Variants in PIK3CD observed in about 807,000 individuals in gnomAD.
PIK3CD encodes phosphatidylinositol-4,5-bisphosphate 3-kinase catalytic subunit delta.
Under a neutral mutation model 122.9 loss-of-function variants are expected in PIK3CD, and 20 were observed. That is an observed-to-expected ratio of 0.16 (90% CI 0.11 to 0.24). The LOEUF is 0.24. PIK3CD is among the 10% of genes least tolerant of loss of function. The pLI is 1.00. For missense variants in PIK3CD, 787 were observed against 1,406.3 expected, an observed-to-expected ratio of 0.56 and a Z score of 7.04; for synonymous variants, 596 against 593.4, an observed-to-expected ratio of 1.00 and a Z score of -0.06.
intron 1 of PIK3CD, among the ~76,000 whole-genome samples, chr1:9,665,201 CA>C (rs756515572): frequency 0.022 from 1,165 of 53,006 alleles, 3 homozygotes; most frequent in African/African-American, 0.039. Context: ...GACAGCCTGT[CA>C]AAAAAAAAAA....
At chr1:9,679,477 C>A (rs1289206241) in intron 1 of PIK3CD, among the ~76,000 whole-genome samples, 1 of 152,042 alleles carries the variant, frequency 6.6e-6, no homozygotes, top group Non-Finnish European at 1.5e-5. Context: ...CAAGAACTCA[C>A]CCTTTGGCCA....
intron 2 of PIK3CD, among the ~76,000 whole-genome samples, chr1:9,702,915 C>T (rs902844057): frequency 5.9e-5 from 9 of 152,160 alleles, no homozygotes; most frequent in African/African-American, 2.2e-4. Context: ...CGGCCAAAAA[C>T]TCAGCTCAAA....
At chr1:9,659,275 A>G (rs1006079188) in intron 1 of PIK3CD, among the ~76,000 whole-genome samples, 5 of 152,164 alleles carry the variant, frequency 3.3e-5, no homozygotes, top group African/African-American at 2.4e-5. Context: ...ACGTTTACCT[A>G]TGCAACAAAC....
In PIK3CD at chr1:9,716,031, C is replaced by A; in HGVS notation, c.553C>A (p.Leu185Ile). Reference sequence around the variant, plus strand: ...AACCTGGGGGCCTGGTACCCTGCGGCTCCCGAACCGGGCCCTTCTGGTCAA... The same window carrying A: ...AACCTGGGGGCCTGGTACCCTGCGGATCCCGAACCGGGCCCTTCTGGTCAA... ...AQTWGPGTLR[L>I]PNRALLVNVK... The change falls in exon 5 of 24, where the codon CTC becomes ATC. Residue 185 changes from leucine to isoleucine, a missense_variant. Coordinates refer to ENST00000377346, the MANE Select transcript of PIK3CD (RefSeq NM_005026.5). The A allele has an allele frequency of 6.2e-7, 1 of 1,612,656 alleles. No individual in the cohort carries two copies. Among genetic ancestry groups the A allele is most frequent in the Non-Finnish European group, 8.5e-7 (1 of 1,179,954 alleles).
At chr1:9,678,731 A>T (rs764997448) in intron 1 of PIK3CD, among the ~76,000 whole-genome samples, 4 of 152,160 alleles carry the variant, frequency 2.6e-5, no homozygotes, top group Non-Finnish European at 5.9e-5. Flanking sequence ...TGTAAGACAC[A>T]CTTGCCAGCA....
At chr1:9,716,658 C>T (rs1341183770) in intron 6 of PIK3CD, 39 bp downstream of exon 6, 11 of 1,538,488 alleles carry the variant, frequency 7.1e-6, no homozygotes, top group South Asian at 4.7e-5. Context: ...GGGCTCCCAA[C>T]GCCCTGGATA....
intron 1 of PIK3CD, among the ~76,000 whole-genome samples, chr1:9,655,154 C>G (rs1023113504): frequency 1.3e-5 from 2 of 152,036 alleles, no homozygotes; most frequent in South Asian, 2.1e-4. Flanking sequence ...TTCAGCAAAG[C>G]TGTTAGAGAA....
chr1:9,668,526 G>A (rs370858933), intron 1 of PIK3CD, among the ~76,000 whole-genome samples: 21 of 149,892 alleles, frequency 1.4e-4, no homozygotes, highest in African/African-American at 5.2e-4. Flanking sequence ...TTAGTTATAC[G>A]AGTAAGTTCT....
At position 9,715,825 on chromosome 1, in the gene PIK3CD, G is replaced by GTGCCC; in HGVS notation, c.371-24_371-23insTGCCC. The GTGCCC allele has an allele frequency of 6.3e-7, 1 of 1,586,056 alleles. No individual in the cohort carries two copies. The highest frequency in any genetic ancestry group is 8.7e-7 in the Non-Finnish European group (1 of 1,155,818). On this transcript the variant is annotated intron_variant, in intron 4 of 23. Transcript: ENST00000377346. The surrounding 1 kb of genome is among the most constrained non-coding windows in gnomAD (Gnocchi z 4.1). ...GCTGGCCCTGCCTGCCCCACCCGCTGACCCAGCCCTCCCCACCCCGCAGGC... is the reference window on the plus strand; with the variant it reads ...GCTGGCCCTGCCTGCCCCACCCGCTGTGCCCACCCAGCCCTCCCCACCCCGCAGGC...
Position 9,716,478 on chromosome 1 carries a change from G to T in PIK3CD, c.639G>T (p.Pro213=), listed in dbSNP as rs374739511. The change falls in exon 6 of 24, where the codon CCG becomes CCT. Residue 213 remains proline, a synonymous_variant. Transcript: ENST00000377346. Reference sequence around the variant, plus strand: ...TCCAGGTGTCCACCAAGGACGTGCCGCTGGCGCTGATGGCCTGTGCCCTGC... The same window carrying T: ...TCCAGGTGTCCACCAAGGACGTGCCTCTGGCGCTGATGGCCTGTGCCCTGC... The part of the protein sequence containing the change: ...FTFQVSTKDV[P]LALMACALRK... The T allele has an allele frequency of 1.7e-5, 28 of 1,611,002 alleles. No homozygotes were observed. The highest frequency in any genetic ancestry group is 2.7e-5 in the African/African-American group (2 of 74,876).
In PIK3CD at chr1:9,689,448, G is replaced by T. The variant is rs1172096837; in HGVS notation, c.-137-2019G>T. ...ATTTGCCGACGGTGCCCGCGCCGCC[G>T]CCGGCCCCGGCCCCGCCCCAGCCCC... On this transcript the variant is annotated intron_variant, in intron 1 of 23. Coordinates refer to ENST00000377346, the MANE Select transcript of PIK3CD (RefSeq NM_005026.5). This position sits in a 1 kb window ranked among gnomAD's most constrained non-coding sequence, Gnocchi z 6.1. 6.7e-6 allele frequency among the ~76,000 whole-genome samples: 1 copy of T among 149,430 alleles called. No individual in the cohort carries two copies. The highest frequency in any genetic ancestry group is 1.5e-5 in the Non-Finnish European group (1 of 66,880).
At chr1:9,678,749 C>G (rs1425671289) in intron 1 of PIK3CD, among the ~76,000 whole-genome samples, 2 of 152,224 alleles carry the variant, frequency 1.3e-5, no homozygotes, top group Non-Finnish European at 2.9e-5. Flanking sequence ...GCAACCTATT[C>G]AAAGTCTGTC....
rs922598686 is a variant in PIK3CD at position 9,689,114 on chromosome 1, C to G, written c.-137-2353C>G. 6.6e-6 allele frequency among the ~76,000 whole-genome samples: 1 copy of G among 152,244 alleles called. No individual in the cohort carries two copies. Among genetic ancestry groups the G allele is most frequent in the Non-Finnish European group, 1.5e-5 (1 of 68,040 alleles). ...TGTGACCTGGGTCCAGTACCCCGCC[C>G]TTTCTGCGGATGCCTTGCAAAGCGG... On this transcript the variant is annotated intron_variant, in intron 1 of 23. Coordinates refer to ENST00000377346, the MANE Select transcript of PIK3CD (RefSeq NM_005026.5). This position sits in a 1 kb window ranked among gnomAD's most constrained non-coding sequence, Gnocchi z 6.1.
intron 2 of PIK3CD, among the ~76,000 whole-genome samples, chr1:9,709,085 A>T (rs1056432265): frequency 2.0e-5 from 3 of 151,534 alleles, no homozygotes; most frequent in African/African-American, 7.3e-5. Flanking sequence ...GCTGGAGTGC[A>T]GTGGTGCGAT....
chr1:9,720,403 C>T lies in PIK3CD; in HGVS notation c.1470+161C>T, dbSNP rs967590723. 61 of 1,365,684 alleles carry T rather than the reference C, an allele frequency of 4.5e-5. No individual in the cohort carries two copies. Among genetic ancestry groups the T allele is most frequent in the Middle Eastern group, 3.8e-4 (2 of 5,234 alleles). 84.6% of individuals were successfully genotyped at this position (1,365,684 alleles called of 1,614,324 possible). On this transcript the variant is annotated intron_variant, in intron 11 of 23. Coordinates refer to ENST00000377346, the MANE Select transcript of PIK3CD (RefSeq NM_005026.5). This position sits in a 1 kb window ranked among gnomAD's most constrained non-coding sequence, Gnocchi z 9.0. ...GGCCATTTTGCCTGCAGGGATGCTG[C>T]GCAGTCTGATGACATTTTCGGTTGT... is the stretch of plus-strand genomic sequence containing the variant.
chr1:9,701,295 C>T (rs917141723), intron 2 of PIK3CD, among the ~76,000 whole-genome samples: 3 of 152,090 alleles, frequency 2.0e-5, no homozygotes, highest in East Asian at 1.9e-4. Context: ...CCCTGCACCT[C>T]GTGTAATTTC....
chr1:9,714,920 C>T (rs61785181), intron 3 of PIK3CD, among the ~76,000 whole-genome samples: 11,381 of 152,178 alleles, frequency 0.075, 555 homozygotes, highest in Middle Eastern at 0.13. Context: ...CCTGTAATCC[C>T]AGCACTTTGG....
chr1:9,706,450 G>A (rs1646837215), intron 2 of PIK3CD, among the ~76,000 whole-genome samples: 1 of 151,994 alleles, frequency 6.6e-6, no homozygotes, highest in African/African-American at 2.4e-5. Context: ...CTATGATTGT[G>A]CCACTGTACT....
chr1:9,653,604 G>GCTGCTGCTGTTCACACCCC (rs1644746612), intron 1 of PIK3CD: 1 of 395,474 alleles, frequency 2.5e-6, no homozygotes, highest in South Asian at 1.9e-5. Flanking sequence ...TGTAACACCC[G>GCTGCTGCTGTTCACACCCC]CTGCTGCTGT....
Sources: gnomAD v4.1 joint callset for allele counts (sites outside exome capture counted in the v4.1 genomes callset) on GRCh38, gnomAD v4.1.1 for gene constraint, Gnocchi (gnomAD v3.1) non-coding constraint, MANE v1.5 for transcripts, NCBI Gene and HGNC (gene_info 2026-07-23, HGNC 2026-07-21) for gene names.